Variants in DUSP10 observed in about 807,000 individuals in gnomAD.
The protein encoded by DUSP10 is dual specificity phosphatase 10, also known as dual specificity protein phosphatase 10.
DUSP10 carries 14 observed loss-of-function variants against 30.8 expected under a neutral mutation model. The observed-to-expected ratio is 0.46, with a 90% CI of 0.30 to 0.71. The LOEUF (loss-of-function observed/expected upper bound fraction) is 0.71, where lower values mean the gene tolerates loss of function less well. Ranked by LOEUF, DUSP10 falls within the 30% of genes least tolerant of loss-of-function variation. The pLI is 0.08. For synonymous variants in DUSP10, 254 were observed against 250.4 expected, an observed-to-expected ratio of 1.01 and a Z score of -0.14; for missense variants, 550 against 619.4, an observed-to-expected ratio of 0.89 and a Z score of 1.19.
At chr1:221,705,584 A>G (rs1049343050) in intron 3 of DUSP10, among the ~76,000 whole-genome samples, 2 of 152,192 alleles carry the variant, frequency 1.3e-5, no homozygotes, top group East Asian at 3.8e-4. Flanking sequence ...AGTTTGGGGC[A>G]GACTGTCAAA....
Position 221,739,520 on chromosome 1 carries a change from GC to G in DUSP10, c.224del (p.Cys75SerfsTer53). 1 of 1,614,220 alleles carries G rather than the reference GC, an allele frequency of 6.2e-7. No individual in the cohort carries two copies. Among genetic ancestry groups the G allele is most frequent in the Non-Finnish European group, 8.5e-7 (1 of 1,180,038 alleles). ...CCACAGTGCAGCAGCTGGCACTGCT[GC>G]ATCCACAATTCAGCGAGCGGGCAGA... is the stretch of plus-strand genomic sequence containing the variant. Reference protein sequence around the residue: ...SGSARSLNCGCSSASCCTVAT... With the variant: ...SGSARSLNCGXSSASCCTVAT... On this transcript the variant is annotated frameshift_variant, in exon 2 of 4. Transcript: ENST00000366899. LOFTEE classifies it high-confidence loss of function.
intron 2 of DUSP10, among the ~76,000 whole-genome samples, chr1:221,728,358 C>T (rs1571826338): frequency 6.6e-6 from 1 of 152,354 alleles, no homozygotes; most frequent in East Asian, 1.9e-4. Context: ...AAGACAGATT[C>T]TGCCTCTATG....
chr1:221,720,101 A>G (rs897456968), intron 2 of DUSP10, among the ~76,000 whole-genome samples: 13 of 152,138 alleles, frequency 8.5e-5, no homozygotes, highest in Admixed American at 5.9e-4. Context: ...GTGATATGAA[A>G]AAATATATAT....
chr1:221,705,779 C>T (rs1378215054), intron 3 of DUSP10, among the ~76,000 whole-genome samples: 2 of 152,232 alleles, frequency 1.3e-5, no homozygotes, highest in Admixed American at 6.5e-5. Flanking sequence ...TTTCCATCCA[C>T]TTTTCTGGTT....
chr1:221,731,376 G>A (rs1047371814), intron 2 of DUSP10, among the ~76,000 whole-genome samples: 1 of 151,864 alleles, frequency 6.6e-6, no homozygotes, highest in African/African-American at 2.4e-5. Flanking sequence ...GAAAATAAAC[G>A]AAGCCCTTAT....
chr1:221,702,217 G>C lies in DUSP10; in HGVS notation c.*195C>G. 1.7e-6 allele frequency: 1 copy of C among 591,546 alleles called. No individual in the cohort carries two copies. Among genetic ancestry groups the C allele is most frequent in the Non-Finnish European group, 2.9e-6 (1 of 348,646 alleles). The allele number at this position is 591,546 out of a possible 1,614,324, so 36.6% of individuals were successfully genotyped here. Reference sequence around the variant, plus strand: ...ACCTCCTTAATTTGTCAGTTTGTGGGAGGTGAATCTCAATGGCATCAAAAG... The same window carrying C: ...ACCTCCTTAATTTGTCAGTTTGTGGCAGGTGAATCTCAATGGCATCAAAAG... On this transcript the variant is annotated 3_prime_UTR_variant, in exon 4 of 4. Transcript: ENST00000366899. This position sits in a 1 kb window ranked among gnomAD's most constrained non-coding sequence, Gnocchi z 4.5.
At chr1:221,727,149 C>T (rs1661446205) in intron 2 of DUSP10, among the ~76,000 whole-genome samples, 1 of 152,122 alleles carries the variant, frequency 6.6e-6, no homozygotes, top group Non-Finnish European at 1.5e-5. Flanking sequence ...AGAATCTGTG[C>T]CCTTAACCTC....
intron 2 of DUSP10, chr1:221,736,995 A>C: frequency 1.0e-6 from 1 of 985,494 alleles, no homozygotes; most frequent in Non-Finnish European, 1.2e-6. Context: ...TCTGACACTG[A>C]GGAAGAAGTC....
chr1:221,704,200 G>T (rs540129746), intron 3 of DUSP10, among the ~76,000 whole-genome samples: 2 of 152,040 alleles, frequency 1.3e-5, no homozygotes, highest in South Asian at 4.2e-4. Flanking sequence ...AAGCAAGACT[G>T]TAAGATTTCA....
At chr1:221,740,818 T>A (rs1201624907) in intron 1 of DUSP10, among the ~76,000 whole-genome samples, 2 of 152,192 alleles carry the variant, frequency 1.3e-5, no homozygotes, top group African/African-American at 2.4e-5. Context: ...ACCGGATCTA[T>A]CTCTGATTTC....
chr1:221,729,169 A>T (rs942334257), intron 2 of DUSP10, among the ~76,000 whole-genome samples: 2 of 152,218 alleles, frequency 1.3e-5, no homozygotes, highest in African/African-American at 2.4e-5. Context: ...TTTTGCTCAA[A>T]TTTTTATTCC....
At position 221,706,074 on chromosome 1, in the gene DUSP10, T is replaced by C; in HGVS notation, c.1183+21A>G. On this transcript the variant is annotated intron_variant, in intron 3 of 3. Coordinates refer to ENST00000366899, the MANE Select transcript of DUSP10 (RefSeq NM_007207.6). The surrounding 1 kb of genome is among the most constrained non-coding windows in gnomAD (Gnocchi z 4.6). ...GGAAAAGGAAGGCAGCGGATGAAAA[T>C]TCCCTATGGGAGATAGTTACCAATG... The C allele has an allele frequency of 6.3e-7, 1 of 1,596,278 alleles. No individual in the cohort carries two copies. Among genetic ancestry groups the C allele is most frequent in the East Asian group, 2.2e-5 (1 of 44,480 alleles).
chr1:221,718,606 T>G (rs1661188226), intron 2 of DUSP10, among the ~76,000 whole-genome samples: 1 of 152,158 alleles, frequency 6.6e-6, no homozygotes, highest in African/African-American at 2.4e-5. Flanking sequence ...CTAAAAACAT[T>G]CTTGCCTTTC....
At chr1:221,703,771 C>G (rs1571804403) in intron 3 of DUSP10, among the ~76,000 whole-genome samples, 2 of 152,136 alleles carry the variant, frequency 1.3e-5, no homozygotes, top group African/African-American at 4.8e-5. Flanking sequence ...TGAAGGAACA[C>G]CAATTAGATA....
Position 221,706,714 on chromosome 1 carries a change from T to G in DUSP10, c.812-248A>C, listed in dbSNP as rs746550035. ...ATGGAACACTTTGGAAATGTGCTCT[T>G]TCTACAAATGAGGGCATGTTCCCCT... is the stretch of plus-strand genomic sequence containing the variant. On this transcript the variant is annotated intron_variant, in intron 2 of 3. Coordinates refer to ENST00000366899, the MANE Select transcript of DUSP10 (RefSeq NM_007207.6). This position sits in a 1 kb window ranked among gnomAD's most constrained non-coding sequence, Gnocchi z 4.6. Among the ~76,000 whole-genome samples the G allele has an allele frequency of 6.6e-6, 1 of 152,184 alleles. No homozygotes were observed. The highest frequency in any genetic ancestry group is 1.5e-5 in the Non-Finnish European group (1 of 68,024).
chr1:221,712,086 C>G (rs1255646157), intron 2 of DUSP10, among the ~76,000 whole-genome samples: 2 of 152,106 alleles, frequency 1.3e-5, no homozygotes, highest in African/African-American at 4.8e-5. Context: ...TTCTTGTTTT[C>G]TATGAAATGT....
At position 221,706,605 on chromosome 1, in the gene DUSP10, AAT is replaced by A; in HGVS notation, c.812-141_812-140del. The A allele has an allele frequency of 3.9e-5, 22 of 567,516 alleles. No individual in the cohort carries two copies. Among genetic ancestry groups the A allele is most frequent in the Non-Finnish European group, 5.7e-5 (21 of 369,542 alleles). The allele number at this position is 567,516 out of a possible 1,614,324, so 35.2% of individuals were successfully genotyped here. Reference sequence around the variant, plus strand: ...TATAAATATGTATTTAAGCAAAAAAAATAAAAATAAAAATAAAACAAAACAAA... The same window carrying A: ...TATAAATATGTATTTAAGCAAAAAAAAAAAATAAAAATAAAACAAAACAAA... On this transcript the variant is annotated intron_variant, in intron 2 of 3. Transcript: ENST00000366899. The surrounding 1 kb of genome is among the most constrained non-coding windows in gnomAD (Gnocchi z 4.6).
chr1:221,733,251 G>A (rs1661669049), intron 2 of DUSP10, among the ~76,000 whole-genome samples: 1 of 152,194 alleles, frequency 6.6e-6, no homozygotes, highest in African/African-American at 2.4e-5. Context: ...ACCTTCAGAT[G>A]GGTTTGCCTA....
intron 2 of DUSP10, among the ~76,000 whole-genome samples, chr1:221,707,242 A>C (rs913582129): frequency 2.0e-4 from 30 of 152,366 alleles, no homozygotes; most frequent in African/African-American, 6.7e-4. Context: ...TGAAATCAGC[A>C]GAGAAGTACT....
Sources: gnomAD v4.1 joint callset for allele counts (sites outside exome capture counted in the v4.1 genomes callset) on GRCh38, gnomAD v4.1.1 for gene constraint, Gnocchi (gnomAD v3.1) non-coding constraint, MANE v1.5 for transcripts, NCBI Gene and HGNC (gene_info 2026-07-23, HGNC 2026-07-21) for gene names.